The following NALF1 variants were observed in gnomAD, a reference collection of about 807,000 sequenced individuals.
NALF1 encodes family with sequence similarity 155 member A.
Under a neutral mutation model 48.4 loss-of-function variants are expected in NALF1, and 3 were observed. That is an observed-to-expected ratio of 0.06 (90% CI 0.03 to 0.16). The LOEUF (loss-of-function observed/expected upper bound fraction) is 0.16. Ranked by LOEUF, NALF1 falls within the 10% of genes least tolerant of loss-of-function variation. NALF1 has a pLI of 1.00. For missense variants in NALF1, 526 were observed against 571.5 expected, an observed-to-expected ratio of 0.92 and a Z score of 0.81; for synonymous variants, 262 against 245.7, an observed-to-expected ratio of 1.07 and a Z score of -0.62.
intron 1 of NALF1, among the ~76,000 whole-genome samples, chr13:107,429,322 GAA>G (rs11374947): frequency 3.7e-5 from 5 of 135,786 alleles, no homozygotes; most frequent in East Asian, 2.1e-4. Context: ...AACTCAGTCT[GAA>G]AAAAAAAAAA....
intron 1 of NALF1, among the ~76,000 whole-genome samples, chr13:107,653,181 T>G (rs1300062532): frequency 6.6e-6 from 1 of 152,000 alleles, no homozygotes; most frequent in Non-Finnish European, 1.5e-5. Context: ...AATCTATGCT[T>G]TATTTTACCA....
chr13:107,332,824 TTTTG>T (rs895567323), intron 1 of NALF1, among the ~76,000 whole-genome samples: 9 of 152,166 alleles, frequency 5.9e-5, no homozygotes, highest in East Asian at 1.9e-4. Flanking sequence ...TACATTCTTT[TTTTG>T]TTTGTTTGTT....
intron 1 of NALF1, among the ~76,000 whole-genome samples, chr13:107,307,572 C>T (rs189298822): frequency 2.7e-5 from 4 of 150,100 alleles, no homozygotes; most frequent in Non-Finnish European, 1.5e-5. Context: ...CAACCTCCGC[C>T]TCCCGAGTTC....
intron 1 of NALF1, among the ~76,000 whole-genome samples, chr13:107,800,723 G>A (rs146249464): frequency 0.028 from 4,151 of 146,780 alleles, 195 homozygotes; most frequent in African/African-American, 0.097. Flanking sequence ...CATATAAGAT[G>A]TTATAATTAT....
intron 1 of NALF1, among the ~76,000 whole-genome samples, chr13:107,299,153 A>G (rs893654638): frequency 1.3e-5 from 2 of 152,110 alleles, no homozygotes; most frequent in African/African-American, 2.4e-5. Flanking sequence ...TTTAACTGAC[A>G]TTTGGCAAGA....
chr13:107,706,866 G>A (rs957465146), intron 1 of NALF1, among the ~76,000 whole-genome samples: 2 of 148,998 alleles, frequency 1.3e-5, no homozygotes, highest in Non-Finnish European at 3.0e-5. Context: ...CTTAATTGTT[G>A]AAAACATATG....
At chr13:107,348,164 G>C (rs2138941987) in intron 1 of NALF1, among the ~76,000 whole-genome samples, 1 of 152,244 alleles carries the variant, frequency 6.6e-6, no homozygotes. Flanking sequence ...CAGTTCTGTG[G>C]AAATTACAAA....
intron 1 of NALF1, among the ~76,000 whole-genome samples, chr13:107,675,630 T>G (rs1299462547): frequency 6.6e-6 from 1 of 152,196 alleles, no homozygotes; most frequent in Non-Finnish European, 1.5e-5. Flanking sequence ...CTGAGTCTAC[T>G]GTGGTCAAAA....
At chr13:107,211,863 T>C (rs528530700) in intron 1 of NALF1, among the ~76,000 whole-genome samples, 42 of 151,976 alleles carry the variant, frequency 2.8e-4, no homozygotes, top group Admixed American at 2.5e-3. Flanking sequence ...AGCTGTAAAC[T>C]TTTTTTTCCA....
chr13:107,239,966 A>C (rs1049575589), intron 1 of NALF1, among the ~76,000 whole-genome samples: 26 of 152,180 alleles, frequency 1.7e-4, no homozygotes, highest in African/African-American at 6.3e-4. Flanking sequence ...GAGATTTCTA[A>C]ATTTCTGAAT....
intron 1 of NALF1, among the ~76,000 whole-genome samples, chr13:107,858,230 A>C (rs1423749797): frequency 3.3e-5 from 5 of 152,244 alleles, no homozygotes; most frequent in South Asian, 4.1e-4. Context: ...ATTAAAACTA[A>C]ATAGAAGTAG....
At chr13:107,316,546 C>T in intron 1 of NALF1, among the ~76,000 whole-genome samples, 1 of 152,280 alleles carries the variant, frequency 6.6e-6, no homozygotes, top group East Asian at 1.9e-4. Flanking sequence ...TCTCCACATC[C>T]TCTCCAGCAC....
chr13:107,608,727 C>T (rs1049511786), intron 1 of NALF1, among the ~76,000 whole-genome samples: 3 of 152,020 alleles, frequency 2.0e-5, no homozygotes, highest in Admixed American at 1.3e-4. Flanking sequence ...GTGTTGACTC[C>T]GAAAAAAATA....
chr13:107,618,422 G>A (rs1305921774), intron 1 of NALF1, among the ~76,000 whole-genome samples: 2 of 152,160 alleles, frequency 1.3e-5, no homozygotes, highest in Non-Finnish European at 1.5e-5. Flanking sequence ...TATGATAAGT[G>A]TAAAGGCAAG....
chr13:107,635,725 C>T (rs773037074), intron 1 of NALF1, among the ~76,000 whole-genome samples: 9 of 152,232 alleles, frequency 5.9e-5, no homozygotes, highest in East Asian at 1.9e-4. Context: ...CATGCATGGA[C>T]GACACTTAGC....
intron 1 of NALF1, among the ~76,000 whole-genome samples, chr13:107,773,809 C>G (rs922597826): frequency 6.6e-6 from 1 of 151,572 alleles, no homozygotes; most frequent in African/African-American, 2.4e-5. Flanking sequence ...AGCACACCAA[C>G]ATGGCACATG....
chr13:107,760,061 T>C (rs1340324258), intron 1 of NALF1, among the ~76,000 whole-genome samples: 2 of 152,172 alleles, frequency 1.3e-5, no homozygotes, highest in African/African-American at 2.4e-5. Flanking sequence ...ATGGATAAGG[T>C]AGGAATATAA....
intron 1 of NALF1, among the ~76,000 whole-genome samples, chr13:107,504,110 G>C (rs868235249): frequency 6.6e-6 from 1 of 151,736 alleles, no homozygotes; most frequent in Non-Finnish European, 1.5e-5. Flanking sequence ...AAATTAGCTG[G>C]GTGTGGCGGC....
chr13:107,493,417 T>C (rs1425014808), intron 1 of NALF1, among the ~76,000 whole-genome samples: 1 of 152,118 alleles, frequency 6.6e-6, no homozygotes, highest in Non-Finnish European at 1.5e-5. Flanking sequence ...GGAGTCTTAG[T>C]GGATGAAAGT....
Sources: gnomAD v4.1 joint callset for allele counts (sites outside exome capture counted in the v4.1 genomes callset) on GRCh38, gnomAD v4.1.1 for gene constraint, MANE v1.5 for transcripts, NCBI Gene and HGNC (gene_info 2026-07-23, HGNC 2026-07-21) for gene names.